Variants in TAB3 observed in about 807,000 individuals in gnomAD.
TAB3 encodes TGF-beta activated kinase 1 (MAP3K7) binding protein 3, also known as TGF-beta-activated kinase 1 and MAP3K7-binding protein 3.
In TAB3, 18 loss-of-function variants were observed where a neutral mutation model predicts 48.1. The ratio of observed to expected loss-of-function variants is 0.37; its 90% CI spans 0.26 to 0.55. TAB3 has a LOEUF of 0.55. TAB3 is among the 20% of genes least tolerant of loss of function. The probability of loss-of-function intolerance (pLI) is 0.78; values close to 1 mark genes in which losing one functional copy is unlikely to be tolerated. For missense variants in TAB3, 414 were observed against 549.8 expected, an observed-to-expected ratio of 0.75 and a Z score of 2.47; for synonymous variants, 185 against 190.2, an observed-to-expected ratio of 0.97 and a Z score of 0.22.
chrX:30,886,609 G>A (rs143834843), intron 1 of TAB3, among the ~76,000 whole-genome samples: 1,742 of 112,049 alleles, frequency 0.016, 28 homozygotes, highest in African/African-American at 0.05. Flanking sequence ...CCCAAACAAT[G>A]TACTTCTTAA....
At position 30,829,192 on chromosome X, in the gene TAB3, CTTA is replaced by C. The variant is rs931090397; in HGVS notation, c.*2232_*2234del. ...AAACCATGCATCTACTGTATAACAG[CTTA>C]TTAACCTTGATGTATTTTCATGCAA... is the stretch of plus-strand genomic sequence containing the variant. On this transcript the variant is annotated 3_prime_UTR_variant, in exon 11 of 11. Transcript: ENST00000288422. The C allele has an allele frequency of 1.2e-4, 13 of 112,123 alleles. No individual in the cohort carries two copies. The highest frequency in any genetic ancestry group is 3.6e-4 in the African/African-American group (11 of 30,785). 9.2% of individuals were successfully genotyped at this position (112,123 alleles called of 1,213,427 possible).
chrX:30,853,316 GTCTACTATTAGCTAATCCAATAA>G (rs1938928493), intron 6 of TAB3, among the ~76,000 whole-genome samples: 5 of 112,497 alleles, frequency 4.4e-5, no homozygotes, highest in South Asian at 3.6e-4. Flanking sequence ...TCTAATTTAG[GTCTACTATTAGCTAATCCAATAA>G]TCTACTATTA....
chrX:30,859,839 T>C (rs947232906), intron 4 of TAB3, 161 bp from the exon 5 acceptor site: 59 of 367,788 alleles, frequency 1.6e-4, no homozygotes, highest in Non-Finnish European at 2.4e-4. Flanking sequence ...TCCACAATGC[T>C]GCCAAAGCAG....
At chrX:30,856,983 G>A (rs756080143) in intron 5 of TAB3, among the ~76,000 whole-genome samples, 6 of 111,518 alleles carry the variant, frequency 5.4e-5, no homozygotes, top group African/African-American at 1.9e-4. Flanking sequence ...GCTTTAGGAA[G>A]TTTAAAAAAA....
chrX:30,851,833 T>C (rs1938862168), intron 7 of TAB3, among the ~76,000 whole-genome samples: 1 of 111,855 alleles, frequency 8.9e-6, no homozygotes, highest in Middle Eastern at 4.2e-3. Flanking sequence ...ACAGACAAGA[T>C]TTACACGTGC....
At position 30,854,361 on chromosome X, in the gene TAB3, G is replaced by A; in HGVS notation, c.1304C>T (p.Thr435Ile). 1.7e-6 allele frequency: 2 copies of A among 1,211,638 alleles called. No homozygotes were observed. The highest frequency in any genetic ancestry group is 3.0e-5 in the East Asian group (1 of 33,839). ...TGGTGATGGAGTACAAGAAGGTCCAGTTGGCTGTGTATATGTAATATACAC... is the reference window on the plus strand; with the variant it reads ...TGGTGATGGAGTACAAGAAGGTCCAATTGGCTGTGTATATGTAATATACAC... ...NPVYITYTQP[T>I]GPSCTPSPSP... Residue 435 changes from threonine (T) to isoleucine (I), a missense_variant, in exon 6 of 11, where the codon ACT becomes ATT. Coordinates refer to ENST00000288422, the MANE Select transcript of TAB3 (RefSeq NM_152787.5).
rs981732285 is a variant in TAB3 at position 30,829,743 on chromosome X, G to A, written c.*1684C>T. ...AGGCAGAGTGTGAAATGATTCTGATGGAAAACTATGATGAGTTATTACGCC... is the reference window on the plus strand; with the variant it reads ...AGGCAGAGTGTGAAATGATTCTGATAGAAAACTATGATGAGTTATTACGCC... On this transcript the variant is annotated 3_prime_UTR_variant, in exon 11 of 11. Coordinates refer to ENST00000288422, the MANE Select transcript of TAB3 (RefSeq NM_152787.5). 9.2e-6 allele frequency: 1 copy of A among 109,258 alleles called. No homozygotes were observed. Among genetic ancestry groups the A allele is most frequent in the Non-Finnish European group, 1.9e-5 (1 of 52,520 alleles). 9.0% of individuals were successfully genotyped at this position (109,258 alleles called of 1,213,427 possible).
intron 1 of TAB3, among the ~76,000 whole-genome samples, chrX:30,873,462 T>C (rs1271904697): frequency 1.9e-5 from 2 of 105,390 alleles, no homozygotes; most frequent in Non-Finnish European, 3.9e-5. Context: ...GAGGCGGAGC[T>C]TGCAGTGAGC....
At chrX:30,832,621 T>A (rs1349569217) in intron 10 of TAB3, among the ~76,000 whole-genome samples, 1 of 112,474 alleles carries the variant, frequency 8.9e-6, no homozygotes, top group Non-Finnish European at 1.9e-5. Flanking sequence ...ATTTGCCTTA[T>A]ATGACAAATG....
At chrX:30,831,600 G>T (rs746968206) in intron 10 of TAB3, 25 bp from the exon 11 acceptor site, 1 of 1,196,123 alleles carries the variant, frequency 8.4e-7, no homozygotes, top group Non-Finnish European at 1.1e-6. Flanking sequence ...GATTAAGGGG[G>T]AGGGGGAAGG....
At chrX:30,873,524 CAAA>C (rs61644834) in intron 1 of TAB3, among the ~76,000 whole-genome samples, 1 of 50,626 alleles carries the variant, frequency 2.0e-5, no homozygotes. Flanking sequence ...GACTCCGTCT[CAAA>C]AAAAAAAAAA....
chrX:30,880,903 C>G (rs956832663), intron 1 of TAB3, among the ~76,000 whole-genome samples: 2 of 111,437 alleles, frequency 1.8e-5, no homozygotes, highest in African/African-American at 3.3e-5. Flanking sequence ...CCAATCTAAA[C>G]TGTAAAATAA....
chrX:30,829,477 C>T lies in TAB3; in HGVS notation c.*1950G>A. On this transcript the variant is annotated 3_prime_UTR_variant, in exon 11 of 11. Coordinates refer to ENST00000288422, the MANE Select transcript of TAB3 (RefSeq NM_152787.5). ...ACAAAGGCAAAGGCATATTACAGAACAGTAGGACGGCTAGACTGTTATTGG... is the reference window on the plus strand; with the variant it reads ...ACAAAGGCAAAGGCATATTACAGAATAGTAGGACGGCTAGACTGTTATTGG... 1 of 111,925 alleles carries T rather than the reference C, an allele frequency of 8.9e-6. No homozygotes were observed. Among genetic ancestry groups the T allele is most frequent in the Non-Finnish European group, 1.9e-5 (1 of 53,176 alleles). 9.2% of individuals were successfully genotyped at this position (111,925 alleles called of 1,213,427 possible).
chrX:30,844,172 AGT>A (rs1369324749), intron 8 of TAB3: 1 of 111,271 alleles, frequency 9.0e-6, no homozygotes, highest in Non-Finnish European at 1.9e-5. Flanking sequence ...AGTTTTCTGC[AGT>A]GTGGAAGAGT....
At chrX:30,869,520 A>G (rs1939606799) in intron 2 of TAB3, among the ~76,000 whole-genome samples, 1 of 112,453 alleles carries the variant, frequency 8.9e-6, no homozygotes, top group Non-Finnish European at 1.9e-5. Flanking sequence ...ATTTTTCACT[A>G]TAAATCTTGA....
intron 9 of TAB3, 117 bp from the exon 10 acceptor site, chrX:30,834,269 T>C (rs1938120243): frequency 1.8e-6 from 1 of 555,179 alleles, no homozygotes; most frequent in Admixed American, 3.2e-5. Flanking sequence ...ACCCTACCTA[T>C]TACTTCATGT....
At chrX:30,834,594 T>C (rs1380967303) in intron 9 of TAB3, 1 of 112,630 alleles carries the variant, frequency 8.9e-6, no homozygotes, top group Non-Finnish European at 1.9e-5. Flanking sequence ...TGATGAAATG[T>C]GATGAAAATG....
intron 2 of TAB3, among the ~76,000 whole-genome samples, chrX:30,867,866 T>C (rs181276430): frequency 9.0e-6 from 1 of 110,605 alleles, no homozygotes; most frequent in East Asian, 2.8e-4. Flanking sequence ...TGAGCCTCCA[T>C]TCTATTTAGA....
intron 1 of TAB3, among the ~76,000 whole-genome samples, chrX:30,881,222 G>T (rs1343670617): frequency 1.8e-5 from 2 of 110,810 alleles, no homozygotes; most frequent in African/African-American, 6.5e-5. Context: ...GGGGGTGGAG[G>T]GGGGTAAGGT....
Sources: allele counts gnomAD v4.1 joint callset (sites outside exome capture counted in the v4.1 genomes callset), GRCh38; gene constraint gnomAD v4.1.1; transcripts MANE v1.5; gene names NCBI Gene and HGNC (gene_info 2026-07-23, HGNC 2026-07-21).